The following MIAT variants were observed in gnomAD, a reference collection of about 807,000 sequenced individuals.
MIAT encodes the protein MI related novel mRNA.
At chr22:26,667,966 T>G (rs1930913583) in intron 5 of MIAT, 1 of 384,514 alleles carries the variant, frequency 2.6e-6, no homozygotes, top group Admixed American at 4.5e-5. Context: ...TCACTGTGCC[T>G]GGCCTAAGTT....
At chr22:26,662,732 G>A (rs1256066789) in intron 2 of MIAT, among the ~76,000 whole-genome samples, 2 of 152,136 alleles carry the variant, frequency 1.3e-5, no homozygotes, top group Non-Finnish European at 2.9e-5. Context: ...TCAGATCTCC[G>A]AGTAGTCATT....
At chr22:26,652,602 C>T (rs1930355017) in intron 2 of MIAT, among the ~76,000 whole-genome samples, 1 of 152,050 alleles carries the variant, frequency 6.6e-6, no homozygotes. Context: ...GTGATCTGCC[C>T]CCCTCGGCCT....
downstream of MIAT, chr22:26,671,563 G>A (rs1024284180): frequency 2.5e-5 from 10 of 398,720 alleles, no homozygotes; most frequent in African/African-American, 1.6e-4. Flanking sequence ...GCAGCTCATG[G>A]GCCTTTCAAG....
exon 6 of MIAT, chr22:26,669,498 A>G (rs1197272913): frequency 2.5e-6 from 1 of 398,470 alleles, no homozygotes; most frequent in Non-Finnish European, 4.4e-6. Flanking sequence ...TCTTATAAAG[A>G]CACTAATATC....
exon 4 of MIAT, chr22:26,666,408 G>A: frequency 5.0e-6 from 2 of 398,708 alleles, no homozygotes; most frequent in Non-Finnish European, 8.8e-6. Context: ...CTGAGGCTGG[G>A]CAGAAGGGTC....
Position 26,661,931 on chromosome 22 carries a change from T to TAGATCC in MIAT, n.647-1384_647-1383insGATCCA, listed in dbSNP as rs1302703991. Among the ~76,000 whole-genome samples, 13 of 24,888 alleles carry TAGATCC rather than the reference T, an allele frequency of 5.2e-4. No individual in the cohort carries two copies. In the East Asian group the frequency reaches 7.7e-3, roughly 15 times the overall value. 16.3% of individuals were successfully genotyped at this position (24,888 alleles called of 152,430 possible). On this transcript the variant is annotated intron_variant and non_coding_transcript_variant, in intron 2 of 5. Coordinates refer to ENST00000643270, the Ensembl canonical transcript of MIAT. ...CTATATAGATCCATATATATATATA[T>TAGATCC]ATATATATATATATATATATATATA...
At chr22:26,665,127 G>A (rs1391650168) in intron 3 of MIAT, among the ~76,000 whole-genome samples, 1 of 152,028 alleles carries the variant, frequency 6.6e-6, no homozygotes, top group African/African-American at 2.4e-5. Flanking sequence ...TGTAATCTCA[G>A]CTACTTAGGA....
chr22:26,663,798 G>T (rs1008152611), intron 3 of MIAT, among the ~76,000 whole-genome samples: 6 of 152,154 alleles, frequency 3.9e-5, no homozygotes, highest in African/African-American at 1.4e-4. Context: ...TTTGACAAAG[G>T]TATACACCTG....
intron 2 of MIAT, among the ~76,000 whole-genome samples, chr22:26,659,779 A>G (rs1445500035): frequency 6.5e-5 from 5 of 76,652 alleles, no homozygotes; most frequent in Admixed American, 4.8e-4. Flanking sequence ...AAGGATTTAG[A>G]AAAGACAAAA....
chr22:26,659,366 C>T (rs567863579), intron 2 of MIAT, among the ~76,000 whole-genome samples: 3 of 152,218 alleles, frequency 2.0e-5, no homozygotes, highest in African/African-American at 4.8e-5. Context: ...CCCCCATGCC[C>T]GCCTATTTTA....
In MIAT at chr22:26,658,424, T is replaced by G. The variant is rs1930540416; in HGVS notation, n.647-4892T>G. 3.3e-5 allele frequency: 5 copies of G among 152,210 alleles called. No individual in the cohort carries two copies. The South Asian group carries it at 1.0e-3, about 32-fold the overall frequency. The allele number at this position is 152,210 out of a possible 1,614,324, so 9.4% of individuals were successfully genotyped here. ...CCTCCAAGGTCACACAGCCAGTGATTGTGAATCCAGATATGTAGGACTCTA... is the reference window on the plus strand; with the variant it reads ...CCTCCAAGGTCACACAGCCAGTGATGGTGAATCCAGATATGTAGGACTCTA... On this transcript the variant is annotated intron_variant and non_coding_transcript_variant, in intron 2 of 5. Coordinates refer to ENST00000643270, the Ensembl canonical transcript of MIAT.
intron 2 of MIAT, among the ~76,000 whole-genome samples, chr22:26,659,304 TAA>T (rs1366105232): frequency 1.3e-5 from 2 of 152,206 alleles, no homozygotes; most frequent in Admixed American, 6.5e-5. Flanking sequence ...GATCCCACTC[TAA>T]GTTTGGTTAA....
At chr22:26,664,093 C>T (rs1299261193) in intron 3 of MIAT, among the ~76,000 whole-genome samples, 1 of 150,354 alleles carries the variant, frequency 6.7e-6, no homozygotes, top group Non-Finnish European at 1.5e-5. Context: ...CTCACTGCAA[C>T]CTCCGCCTGC....
At chr22:26,674,582 G>A (rs142688301), downstream of MIAT, 629 of 398,736 alleles carry the variant, frequency 1.6e-3, 2 homozygotes, top group African/African-American at 9.9e-3. Flanking sequence ...CTAACCAATT[G>A]TAGTTGGCAG....
chr22:26,669,451 ACAGAGAG>A, exon 6 of MIAT: 2 of 398,516 alleles, frequency 5.0e-6, no homozygotes, highest in Non-Finnish European at 4.4e-6. Flanking sequence ...GTGGAGAGGG[ACAGAGAG>A]CATGAGCAGG....
downstream of MIAT, chr22:26,672,421 G>A: frequency 5.0e-6 from 2 of 399,426 alleles, no homozygotes; most frequent in Non-Finnish European, 4.4e-6. Context: ...AGGAAGAGGT[G>A]GTCCTGTGGA....
downstream of MIAT, chr22:26,673,567 C>T: frequency 2.5e-6 from 1 of 398,694 alleles, no homozygotes. Flanking sequence ...GGATTTTTTT[C>T]TGACTAACAA....
intron 2 of MIAT, among the ~76,000 whole-genome samples, chr22:26,659,639 C>T (rs1930585688): frequency 6.6e-6 from 1 of 151,324 alleles, no homozygotes; most frequent in African/African-American, 2.4e-5. Context: ...GGAGTTCAAG[C>T]CAAGCCTGGG....
intron 2 of MIAT, among the ~76,000 whole-genome samples, chr22:26,649,859 G>A (rs547248651): frequency 6.6e-6 from 1 of 152,316 alleles, no homozygotes; most frequent in East Asian, 1.9e-4. Flanking sequence ...CTTGTAGTGA[G>A]CCGAGATCAT....
Sources: gnomAD v4.1 joint callset for allele counts (sites outside exome capture counted in the v4.1 genomes callset) on GRCh38, gnomAD v4.1.1 for gene constraint, MANE v1.5 for transcripts, NCBI Gene and HGNC (gene_info 2026-07-23, HGNC 2026-07-21) for gene names.